Variants in ROBO2 observed in about 807,000 individuals in gnomAD.
ROBO2 encodes roundabout guidance receptor 2, also known as roundabout homolog 2.
A neutral mutation model predicts 160.8 loss-of-function variants in ROBO2; 53 were observed. That is an observed-to-expected ratio of 0.33 (90% CI 0.26 to 0.41). The LOEUF (loss-of-function observed/expected upper bound fraction) is 0.41, where lower values mean the gene tolerates loss of function less well. Among genes scored for constraint, ROBO2 ranks in the 10% least tolerant of loss-of-function variants. The pLI is 1.00. For synonymous variants in ROBO2, 664 were observed against 611.7 expected (o/e 1.09, Z -1.26); for missense variants, 1,577 against 1,722.4 (o/e 0.92, Z 1.49).
chr3:75,951,363 C>T (rs1948528882), intron 2 of ROBO2, among the ~76,000 whole-genome samples: 2 of 152,008 alleles, frequency 1.3e-5, no homozygotes, highest in South Asian at 4.1e-4. Flanking sequence ...CATATGCAGT[C>T]TCTGTCTCTC....
chr3:75,946,641 G>A (rs1371673653), intron 2 of ROBO2, among the ~76,000 whole-genome samples: 1 of 151,952 alleles, frequency 6.6e-6, no homozygotes, highest in Non-Finnish European at 1.5e-5. Context: ...CAAATAGGGA[G>A]GTACTTTGAA....
At chr3:77,264,108 A>C (rs980622285) in intron 2 of ROBO2, among the ~76,000 whole-genome samples, 98 of 151,996 alleles carry the variant, frequency 6.4e-4, no homozygotes, top group Non-Finnish European at 1.1e-3. Flanking sequence ...TTTTAACCCC[A>C]CTGCCATAGA....
chr3:76,822,420 G>T (rs573382401), intron 2 of ROBO2, among the ~76,000 whole-genome samples: 1 of 151,894 alleles, frequency 6.6e-6, no homozygotes, highest in Non-Finnish European at 1.5e-5. Flanking sequence ...AACAATGAAA[G>T]AACTTATGAG....
chr3:77,380,608 G>A (rs1457779835), intron 2 of ROBO2, among the ~76,000 whole-genome samples: 1 of 151,972 alleles, frequency 6.6e-6, no homozygotes, highest in African/African-American at 2.4e-5. Context: ...TTTATTTAGT[G>A]ATATCTAAAC....
chr3:76,380,996 C>T (rs368915975), intron 2 of ROBO2, among the ~76,000 whole-genome samples: 89 of 150,648 alleles, frequency 5.9e-4, no homozygotes, highest in African/African-American at 2.0e-3. Flanking sequence ...AAAGTAGAGT[C>T]CCAGCTCTGA....
rs541659928 is a variant in ROBO2, at chr3:77,029,458, C to T, written c.110-68556C>T. ...AGCTGTAAAAAGATGAGCGTTAAGCCTCTCTAAGATGACGTTAAATAAATT... is the reference window on the plus strand; with the variant it reads ...AGCTGTAAAAAGATGAGCGTTAAGCTTCTCTAAGATGACGTTAAATAAATT... On this transcript the variant is annotated intron_variant, in intron 2 of 26. Coordinates refer to the ROBO2 transcript ENST00000487694. Among the ~76,000 whole-genome samples the T allele has an allele frequency of 7.7e-4, 116 of 151,124 alleles. 1 individual carries two copies. The South Asian group carries it at 0.013, about 17-fold the overall frequency.
chr3:76,576,669 T>A (rs928879111), intron 2 of ROBO2, among the ~76,000 whole-genome samples: 22 of 150,388 alleles, frequency 1.5e-4, no homozygotes, highest in African/African-American at 5.1e-4. Context: ...TGTGTTTTGT[T>A]TATTATTTTT....
intron 2 of ROBO2, among the ~76,000 whole-genome samples, chr3:76,447,419 T>C (rs970049653): frequency 3.6e-4 from 54 of 149,828 alleles, no homozygotes; most frequent in African/African-American, 1.3e-3. Flanking sequence ...TGTGGAGAAA[T>C]AGGAACACTT....
chr3:76,297,383 A>G (rs1426802985), intron 2 of ROBO2, among the ~76,000 whole-genome samples: 3 of 151,978 alleles, frequency 2.0e-5, no homozygotes, highest in Non-Finnish European at 4.4e-5. Context: ...ATACTAGAAG[A>G]CTCCATTTCC....
chr3:76,341,419 TAAAAAAAAAAA>T (rs71277587), intron 2 of ROBO2, among the ~76,000 whole-genome samples: 4 of 44,240 alleles, frequency 9.0e-5, no homozygotes, highest in South Asian at 6.6e-4. Context: ...TTTTAAAGCG[TAAAAAAAAAAA>T]AAAAAAAAAA....
chr3:76,967,295 TC>T (rs1291677157), intron 2 of ROBO2, among the ~76,000 whole-genome samples: 1 of 151,032 alleles, frequency 6.6e-6, no homozygotes, highest in Non-Finnish European at 1.5e-5. Flanking sequence ...ACCTCCATCC[TC>T]CCAAGTTCAA....
At chr3:76,128,217 A>G (rs1191445790) in intron 2 of ROBO2, among the ~76,000 whole-genome samples, 4 of 152,106 alleles carry the variant, frequency 2.6e-5, no homozygotes, top group African/African-American at 9.7e-5. Context: ...TCTAAGGATC[A>G]TGTAAAGCAG....
chr3:76,689,856 T>C (rs1560382207), intron 2 of ROBO2, among the ~76,000 whole-genome samples: 1 of 152,194 alleles, frequency 6.6e-6, no homozygotes, highest in Non-Finnish European at 1.5e-5. Context: ...CCAAATTCTT[T>C]GTCCAATTTC....
chr3:77,146,841 G>A lies in ROBO2; in HGVS notation c.388+48501G>A, dbSNP rs950735094. 5.9e-5 allele frequency among the ~76,000 whole-genome samples: 9 copies of A among 152,022 alleles called. No individual in the cohort carries two copies. In the South Asian group the frequency reaches 6.2e-4, roughly 11 times the overall value. On this transcript the variant is annotated intron_variant, in intron 2 of 25. Coordinates refer to ENST00000461745, the Ensembl canonical transcript of ROBO2. ...AAATTAGCCGGGTGTGGTGGCACGCGCCTGCAGTCCCAGCTACTCAGAGAT... is the reference window on the plus strand; with the variant it reads ...AAATTAGCCGGGTGTGGTGGCACGCACCTGCAGTCCCAGCTACTCAGAGAT...
At chr3:76,326,119 T>C (rs1187302753) in intron 2 of ROBO2, among the ~76,000 whole-genome samples, 1 of 152,184 alleles carries the variant, frequency 6.6e-6, no homozygotes, top group East Asian at 1.9e-4. Flanking sequence ...ACTTTTGGTC[T>C]TAGAAAATAG....
intron 2 of ROBO2, among the ~76,000 whole-genome samples, chr3:76,271,450 C>A (rs1389203939): frequency 6.7e-6 from 1 of 150,068 alleles, no homozygotes; most frequent in Non-Finnish European, 1.5e-5. Flanking sequence ...AGTCCCATTG[C>A]CCTTTCTGGT....
At chr3:77,406,906 G>A (rs2076295616) in intron 2 of ROBO2, among the ~76,000 whole-genome samples, 2 of 152,074 alleles carry the variant, frequency 1.3e-5, no homozygotes, top group Admixed American at 6.6e-5. Context: ...TTAACACATT[G>A]GACCTTGCAT....
chr3:75,922,499 A>G (rs577152294), intron 1 of ROBO2, among the ~76,000 whole-genome samples: 1 of 152,180 alleles, frequency 6.6e-6, no homozygotes, highest in African/African-American at 2.4e-5. Flanking sequence ...CACTTGACAT[A>G]TTTAAAATAT....
At chr3:76,157,600 G>T (rs575390767) in intron 2 of ROBO2, among the ~76,000 whole-genome samples, 1 of 151,968 alleles carries the variant, frequency 6.6e-6, no homozygotes, top group Non-Finnish European at 1.5e-5. Context: ...ATTTATGGGG[G>T]GGCTGCAAAT....
Sources: gnomAD v4.1 joint callset for allele counts (sites outside exome capture counted in the v4.1 genomes callset) on GRCh38, gnomAD v4.1.1 for gene constraint, MANE v1.5 for transcripts, NCBI Gene and HGNC (gene_info 2026-07-23, HGNC 2026-07-21) for gene names.